Variants in KANK1 observed in about 807,000 individuals in gnomAD.
The protein encoded by KANK1 is KN motif and ankyrin repeat domain-containing protein 1.
KANK1 carries 109 observed loss-of-function variants against 106.2 expected under a neutral mutation model. The ratio of observed to expected loss-of-function variants is 1.03; its 90% CI spans 0.88 to 1.20. The LOEUF (loss-of-function observed/expected upper bound fraction) is 1.20, where lower values mean the gene tolerates loss of function less well. KANK1 is among the 50% of genes most tolerant of loss of function. The probability of loss-of-function intolerance (pLI) is 0.00; values close to 1 mark genes in which losing one functional copy is unlikely to be tolerated. For missense variants in KANK1, 2,399 were observed against 1,710.7 expected (o/e 1.40, Z -7.10); for synonymous variants, 873 against 652.2 (o/e 1.34, Z -5.16).
chr9:719,109 G>A (rs1828593322), intron 3 of KANK1, among the ~76,000 whole-genome samples: 1 of 151,854 alleles, frequency 6.6e-6, no homozygotes, highest in Non-Finnish European at 1.5e-5. Flanking sequence ...ACAGGCACAC[G>A]CCACCAGGCC....
At chr9:587,751 T>G (rs1823860512) in intron 1 of KANK1, among the ~76,000 whole-genome samples, 1 of 152,098 alleles carries the variant, frequency 6.6e-6, no homozygotes, top group African/African-American at 2.4e-5. Flanking sequence ...TTATCCTCAT[T>G]TACACACAGG....
chr9:690,461 G>A (rs1409438341), intron 2 of KANK1, among the ~76,000 whole-genome samples: 2 of 152,072 alleles, frequency 1.3e-5, no homozygotes, highest in South Asian at 2.1e-4. Flanking sequence ...GTAAAAGGCT[G>A]AAGTAATCAT....
chr9:635,694 C>CTTTTTTTTTTTTTTTTT (rs1162836319), intron 1 of KANK1, among the ~76,000 whole-genome samples: 1 of 103,364 alleles, frequency 9.7e-6, no homozygotes, highest in African/African-American at 3.8e-5. Context: ...CCTTTTTATT[C>CTTTTTTTTTTTTTTTTT]TTTTTTTTTT....
At chr9:656,819 A>G (rs1294889885) in intron 1 of KANK1, among the ~76,000 whole-genome samples, 2 of 152,216 alleles carry the variant, frequency 1.3e-5, no homozygotes, top group Admixed American at 6.5e-5. Flanking sequence ...GGATAGCAAC[A>G]TAAGGCAGCT....
intron 1 of KANK1, among the ~76,000 whole-genome samples, chr9:648,422 C>G (rs1840192042): frequency 6.6e-6 from 1 of 152,164 alleles, no homozygotes; most frequent in South Asian, 2.1e-4. Context: ...TTTGCCACCT[C>G]TGGGTCATTA....
chr9:554,600 A>G (rs1331600617), intron 1 of KANK1, among the ~76,000 whole-genome samples: 7 of 152,326 alleles, frequency 4.6e-5, no homozygotes, highest in South Asian at 2.1e-4. Flanking sequence ...TAACATCACA[A>G]CCATCTGAAT....
intron 1 of KANK1, among the ~76,000 whole-genome samples, chr9:517,608 G>T (rs1318331445): frequency 6.6e-6 from 1 of 151,572 alleles, no homozygotes; most frequent in Non-Finnish European, 1.5e-5. Flanking sequence ...ACTTTCTAGA[G>T]AAGGTAAGCA....
intron 1 of KANK1, among the ~76,000 whole-genome samples, chr9:526,591 G>T (rs978499107): frequency 6.6e-6 from 1 of 151,728 alleles, no homozygotes; most frequent in African/African-American, 2.4e-5. Flanking sequence ...ATGAAATTTA[G>T]CAATGTTTTA....
At chr9:504,871 G>C (rs1305057378) in intron 1 of KANK1, 117 bp downstream of exon 1, 1 of 145,908 alleles carries the variant, frequency 6.9e-6, no homozygotes, top group East Asian at 2.1e-4. Context: ...GGCGCGCGCC[G>C]GGGTTGCGCG....
intron 1 of KANK1, among the ~76,000 whole-genome samples, chr9:536,067 G>A (rs536347816): frequency 2.6e-5 from 4 of 152,142 alleles, no homozygotes; most frequent in Non-Finnish European, 5.9e-5. Flanking sequence ...GTGGGGCGCG[G>A]TGGCTCACAT....
intron 3 of KANK1, among the ~76,000 whole-genome samples, chr9:490,809 C>T (rs1222134702): frequency 6.6e-6 from 1 of 152,018 alleles, no homozygotes; most frequent in East Asian, 1.9e-4. Flanking sequence ...GTAAACAGAA[C>T]AAAATTCTTG....
chr9:557,630 T>C (rs1212400245), intron 1 of KANK1, among the ~76,000 whole-genome samples: 1 of 152,230 alleles, frequency 6.6e-6, no homozygotes, highest in Non-Finnish European at 1.5e-5. Flanking sequence ...GATAGTAATG[T>C]AGAAGACAGA....
intron 2 of KANK1, among the ~76,000 whole-genome samples, chr9:678,477 C>T (rs1170319730): frequency 5.3e-5 from 8 of 152,044 alleles, no homozygotes; most frequent in Non-Finnish European, 8.8e-5. Context: ...ACCTGTAATC[C>T]CAGCATTTTG....
At chr9:496,617 T>A (rs1338521929) in intron 3 of KANK1, among the ~76,000 whole-genome samples, 1 of 152,196 alleles carries the variant, frequency 6.6e-6, no homozygotes, top group Non-Finnish European at 1.5e-5. Context: ...AAAATTATAT[T>A]CTTGTTTTAG....
At chr9:713,641 A>G (rs1826849686) in intron 3 of KANK1, among the ~76,000 whole-genome samples, 177 bp downstream of exon 3, 1 of 152,220 alleles carries the variant, frequency 6.6e-6, no homozygotes. Context: ...ACCTCTGCTG[A>G]TGCTTATTAT....
intron 1 of KANK1, among the ~76,000 whole-genome samples, chr9:558,569 A>G (rs770381640): frequency 4.6e-5 from 7 of 152,174 alleles, no homozygotes; most frequent in African/African-American, 7.2e-5. Flanking sequence ...AGCTTAGCCA[A>G]TGCGTCTCTT....
intron 2 of KANK1, 79 bp downstream of exon 2, chr9:677,088 C>G: frequency 7.8e-7 from 1 of 1,280,416 alleles, no homozygotes; most frequent in East Asian, 2.4e-5. Flanking sequence ...TAATAATGAA[C>G]GGATAATAGC....
chr9:627,626 GTCT>G (rs1488046171), intron 1 of KANK1, among the ~76,000 whole-genome samples: 1 of 152,184 alleles, frequency 6.6e-6, no homozygotes, highest in East Asian at 1.9e-4. Context: ...GTCTTCTGGA[GTCT>G]TCTTCAGTCT....
rs930405595 is a variant in KANK1, at chr9:712,439, A to C, written c.1673A>C (p.Lys558Thr). The C allele has an allele frequency of 1.2e-6, 2 of 1,614,118 alleles. No individual in the cohort carries two copies. ...TCCTGCCAGCCTGAATGTAAGAATA[A>C]AGTCGTAGGGCCTGAGCTGCCTATG... ...GISCQPECKN[K>T]VVGPELPMNW... Residue 558 changes from lysine (K) to threonine (T), a missense_variant, in exon 3 of 12, where the codon AAA becomes ACA. Physicochemically the swap from Lys to Thr is moderately conservative, Grantham distance 78. Coordinates refer to ENST00000382297, the MANE Select transcript of KANK1 (RefSeq NM_015158.5).
Sources: gnomAD v4.1 joint callset for allele counts (sites outside exome capture counted in the v4.1 genomes callset) on GRCh38, gnomAD v4.1.1 for gene constraint, MANE v1.5 for transcripts, NCBI Gene and HGNC (gene_info 2026-07-23, HGNC 2026-07-21) for gene names.